The following LURAP1L variants were observed in gnomAD, a reference collection of about 807,000 sequenced individuals.
LURAP1L encodes the protein leucine rich adaptor protein 1 like.
A neutral mutation model predicts 13.8 loss-of-function variants in LURAP1L; 12 were observed. That is an observed-to-expected ratio of 0.87 (90% CI 0.56 to 1.41). LURAP1L has a LOEUF of 1.41. Among genes scored for constraint, LURAP1L ranks in the 40% most tolerant of loss-of-function variants. The probability of loss-of-function intolerance (pLI) is 0.00; values close to 1 mark genes in which losing one functional copy is unlikely to be tolerated. For missense variants in LURAP1L, 375 were observed against 292.9 expected, an observed-to-expected ratio of 1.28 and a Z score of -2.04; for synonymous variants, 139 against 119.2, an observed-to-expected ratio of 1.17 and a Z score of -1.08.
At position 12,775,958 on chromosome 9, in the gene LURAP1L, C is replaced by T; in HGVS notation, c.243C>T (p.Ser81=). 6.3e-7 allele frequency: 1 copy of T among 1,594,846 alleles called. No individual in the cohort carries two copies. Among genetic ancestry groups the T allele is most frequent in the Non-Finnish European group, 8.5e-7 (1 of 1,170,752 alleles). ...SSSSSSPTSG[S]PRGSHSSALE... Reference sequence around the variant, plus strand: ...CTTCGTCCTCCCCAACCTCTGGCTCCCCACGAGGTAGCCACTCTAGCGCCC... The same window carrying T: ...CTTCGTCCTCCCCAACCTCTGGCTCTCCACGAGGTAGCCACTCTAGCGCCC... The change falls in exon 1 of 2, where the codon TCC becomes TCT. Residue 81 remains serine (S), a synonymous_variant. Transcript: ENST00000319264.
At chr9:12,800,284 C>T (rs902171936) in intron 1 of LURAP1L, among the ~76,000 whole-genome samples, 1 of 152,148 alleles carries the variant, frequency 6.6e-6, no homozygotes, top group Non-Finnish European at 1.5e-5. Flanking sequence ...ACTGCATTGC[C>T]TTGTCATGTA....
intron 1 of LURAP1L, among the ~76,000 whole-genome samples, chr9:12,778,245 C>T (rs190030206): frequency 1.2e-4 from 19 of 152,092 alleles, no homozygotes; most frequent in Admixed American, 5.9e-4. Context: ...GGCTGCCTGT[C>T]TAGGGAGACA....
chr9:12,789,111 GA>G (rs1265491260), intron 1 of LURAP1L, among the ~76,000 whole-genome samples: 1 of 146,724 alleles, frequency 6.8e-6, no homozygotes, highest in African/African-American at 2.6e-5. Context: ...GAAAAGAAAA[GA>G]AAAAATATTG....
intron 1 of LURAP1L, among the ~76,000 whole-genome samples, chr9:12,819,977 T>C (rs1284126662): frequency 6.6e-6 from 1 of 151,872 alleles, no homozygotes; most frequent in Admixed American, 6.6e-5. Context: ...AAACAAACCA[T>C]AGAGAATGTG....
chr9:12,794,593 T>C (rs988836849), intron 1 of LURAP1L, among the ~76,000 whole-genome samples: 1 of 152,048 alleles, frequency 6.6e-6, no homozygotes, highest in Non-Finnish European at 1.5e-5. Context: ...TCTATGACCA[T>C]ACACATGAAA....
intron 1 of LURAP1L, among the ~76,000 whole-genome samples, chr9:12,821,094 G>A (rs1181879844): frequency 6.6e-6 from 1 of 152,166 alleles, no homozygotes; most frequent in Non-Finnish European, 1.5e-5. Context: ...TTTTGTAGTA[G>A]AGAACCTGCC....
Position 12,822,392 on chromosome 9 carries a change from T to C in LURAP1L, c.*632T>C, listed in dbSNP as rs1274757844. On this transcript the variant is annotated 3_prime_UTR_variant, in exon 2 of 2. Transcript: ENST00000319264. ...GGTACTTTAGATTAACATTTTGTCA[T>C]CAGTGATTCTAACTCAAATCATATG... Among the ~76,000 whole-genome samples, 1 of 152,192 alleles carries C rather than the reference T, an allele frequency of 6.6e-6. No individual in the cohort carries two copies. Among genetic ancestry groups the C allele is most frequent in the African/African-American group, 2.4e-5 (1 of 41,434 alleles).
intron 1 of LURAP1L, among the ~76,000 whole-genome samples, chr9:12,820,208 G>A (rs957282888): frequency 6.6e-6 from 1 of 151,988 alleles, no homozygotes; most frequent in African/African-American, 2.4e-5. Flanking sequence ...AGAGCTATCA[G>A]AAGGACCACA....
At chr9:12,804,192 A>G (rs1288296789) in intron 1 of LURAP1L, among the ~76,000 whole-genome samples, 1 of 152,208 alleles carries the variant, frequency 6.6e-6, no homozygotes, top group East Asian at 1.9e-4. Flanking sequence ...TTGAAGGCTT[A>G]GGGACACATA....
intron 1 of LURAP1L, among the ~76,000 whole-genome samples, chr9:12,819,125 G>C (rs1348409890): frequency 6.6e-6 from 1 of 152,142 alleles, no homozygotes; most frequent in Admixed American, 6.5e-5. Context: ...CCAACAAATA[G>C]AGGGGCTTCT....
chr9:12,818,344 G>A (rs888112199), intron 1 of LURAP1L, among the ~76,000 whole-genome samples: 3 of 152,128 alleles, frequency 2.0e-5, no homozygotes, highest in Non-Finnish European at 4.4e-5. Context: ...ATAGTTGTTA[G>A]GAACGTGTAT....
rs1264800775 is a variant in LURAP1L at position 12,821,741 on chromosome 9, A to C, written c.668A>C (p.Glu223Ala). 4.3e-6 allele frequency: 7 copies of C among 1,613,402 alleles called. No homozygotes were observed. ...CACAAGCGTCCTAAATTGGATTCTG[A>C]ATACTACTGCTTTGGCTAGTGACAG... ...ALHKRPKLDS[E>A]YYCFG The change falls in exon 2 of 2, where the codon GAA becomes GCA. Residue 223 changes from glutamate to alanine, a missense_variant. Glu to Ala is a moderately radical substitution (Grantham distance 107). Transcript: ENST00000319264.
intron 1 of LURAP1L, among the ~76,000 whole-genome samples, chr9:12,791,347 T>A (rs1360751993): frequency 1.3e-5 from 2 of 152,096 alleles, no homozygotes; most frequent in Non-Finnish European, 2.9e-5. Flanking sequence ...CCCCCTAAAA[T>A]TTTTTGTCTC....
intron 1 of LURAP1L, 120 bp from the exon 2 acceptor site, chr9:12,821,266 A>C (rs1563901152): frequency 1.3e-5 from 15 of 1,164,840 alleles, no homozygotes; most frequent in Non-Finnish European, 1.4e-5. Context: ...CAACCAGTCC[A>C]CTTATATTTT....
chr9:12,812,816 T>C lies in LURAP1L; in HGVS notation c.313-8570T>C, dbSNP rs114387646. On this transcript the variant is annotated intron_variant, in intron 1 of 1. Transcript: ENST00000319264. ...GCCTCTTATTTTAGAAATATAGCCA[T>C]CAAAAATTATTATAATACAAAAGCA... Among the ~76,000 whole-genome samples, 888 of 152,246 alleles carry C rather than the reference T, an allele frequency of 5.8e-3. 7 individuals are homozygous for C. Among genetic ancestry groups the C allele is most frequent in the African/African-American group, 0.02 (814 of 41,566 alleles).
chr9:12,787,578 T>C (rs564337867), intron 1 of LURAP1L, among the ~76,000 whole-genome samples: 92 of 152,312 alleles, frequency 6.0e-4, no homozygotes, highest in African/African-American at 2.2e-3. Context: ...ACTCTCATCC[T>C]AGCCAGTTGA....
chr9:12,792,844 T>C (rs908169922), intron 1 of LURAP1L, among the ~76,000 whole-genome samples: 2 of 152,086 alleles, frequency 1.3e-5, no homozygotes, highest in African/African-American at 4.8e-5. Flanking sequence ...CATTTATATT[T>C]GTGCTTCTTT....
chr9:12,797,448 A>T (rs759127101), intron 1 of LURAP1L, among the ~76,000 whole-genome samples: 6 of 152,164 alleles, frequency 3.9e-5, no homozygotes, highest in Non-Finnish European at 8.8e-5. Context: ...GAATCAGATG[A>T]TAGACACTGG....
At chr9:12,813,553 T>C (rs73405903) in intron 1 of LURAP1L, among the ~76,000 whole-genome samples, 14,963 of 152,190 alleles carry the variant, frequency 0.098, 853 homozygotes, top group South Asian at 0.23. Flanking sequence ...ATTTTTATTT[T>C]ATTGGTTGTC....
Sources: gnomAD v4.1 joint callset for allele counts (sites outside exome capture counted in the v4.1 genomes callset) on GRCh38, gnomAD v4.1.1 for gene constraint, MANE v1.5 for transcripts, NCBI Gene and HGNC (gene_info 2026-07-23, HGNC 2026-07-21) for gene names.